Variants in QTRT1 observed in about 807,000 individuals in gnomAD.
QTRT1 encodes the protein queuine tRNA-ribosyltransferase catalytic subunit 1.
A neutral mutation model predicts 44.0 loss-of-function variants in QTRT1; 41 were observed. The ratio of observed to expected loss-of-function variants is 0.93; its 90% CI spans 0.73 to 1.21. QTRT1 has a LOEUF of 1.21. QTRT1 is among the 50% of genes most tolerant of loss of function. The probability of loss-of-function intolerance (pLI) is 0.00; values close to 1 mark genes in which losing one functional copy is unlikely to be tolerated. For missense variants in QTRT1, 542 were observed against 575.8 expected, an observed-to-expected ratio of 0.94 and a Z score of 0.60; for synonymous variants, 226 against 237.1, an observed-to-expected ratio of 0.95 and a Z score of 0.43.
rs2068741022 is a variant in QTRT1, at chr19:10,712,085, G to A, written c.647-76G>A. On this transcript the variant is annotated intron_variant, in intron 5 of 9. Transcript: ENST00000250237. This position sits in a 1 kb window ranked among gnomAD's most constrained non-coding sequence, Gnocchi z 5.6. ...TCTCCCTGAGCGACTCTGGAAGTCT[G>A]GGCAGGGTGTGTTCTGGGATTGAAG... 6.3e-7 allele frequency: 1 copy of A among 1,583,684 alleles called. No individual in the cohort carries two copies. Among genetic ancestry groups the A allele is most frequent in the African/African-American group, 1.3e-5 (1 of 74,552 alleles).
chr19:10,701,636 C>T lies in QTRT1; in HGVS notation c.176C>T (p.Thr59Ile). 4 of 1,602,206 alleles carry T rather than the reference C, an allele frequency of 2.5e-6. No individual in the cohort carries two copies. Among genetic ancestry groups the T allele is most frequent in the East Asian group, 2.3e-5 (1 of 44,308 alleles). The change falls in exon 1 of 10, where the codon ACC (threonine) becomes ATC (isoleucine). Residue 59 changes from threonine to isoleucine, a missense_variant. By Grantham distance (89) the Thr-to-Ile change is moderately conservative (BLOSUM62 -1). Coordinates refer to ENST00000250237, the MANE Select transcript of QTRT1 (RefSeq NM_031209.3). ...CAGGCCACCATGAAGGGCATCACGA[C>T]CGAACAGCTGGACGCTCTGGGTTGC... ...GTQATMKGIT[T>I]EQLDALGCRI...
In QTRT1 at chr19:10,707,508, G is replaced by T. The variant is rs767335139; in HGVS notation, c.539G>T (p.Arg180Leu). The change falls in exon 5 of 10, where the codon CGC (arginine) becomes CTC (leucine). Residue 180 changes from arginine (R) to leucine (L), a missense_variant. Physicochemically the swap from Arg to Leu is moderately radical, Grantham distance 102 (BLOSUM62 -2). Coordinates refer to ENST00000250237, the MANE Select transcript of QTRT1 (RefSeq NM_031209.3). ...RVEEAMYRSIRWLDRCIAAHQ... is the reference protein window; with the variant it reads ...RVEEAMYRSILWLDRCIAAHQ... ...CTGGGGCCCTGTTGCAGGTCAATCCGCTGGCTGGACCGGTGCATTGCAGCC... is the reference window on the plus strand; with the variant it reads ...CTGGGGCCCTGTTGCAGGTCAATCCTCTGGCTGGACCGGTGCATTGCAGCC... 2.5e-6 allele frequency: 4 copies of T among 1,611,322 alleles called. No homozygotes were observed. Among genetic ancestry groups the T allele is most frequent in the African/African-American group, 2.7e-5 (2 of 74,986 alleles).
intron 5 of QTRT1, among the ~76,000 whole-genome samples, chr19:10,710,022 A>G (rs2068731464): frequency 6.6e-6 from 1 of 151,982 alleles, no homozygotes; most frequent in Admixed American, 6.6e-5. Flanking sequence ...AAAAAAAAGA[A>G]AAAAAGAAAA....
At chr19:10,704,546 G>A (rs539950581) in intron 3 of QTRT1, among the ~76,000 whole-genome samples, 33 of 151,638 alleles carry the variant, frequency 2.2e-4, no homozygotes, top group South Asian at 6.2e-4. Flanking sequence ...CGCCCATCTC[G>A]GCCTTCCAAA....
chr19:10,709,529 T>G (rs762482619), intron 5 of QTRT1, among the ~76,000 whole-genome samples: 3 of 152,034 alleles, frequency 2.0e-5, no homozygotes, highest in Non-Finnish European at 4.4e-5. Flanking sequence ...CTGGCCAACA[T>G]GGTAAAACCC....
At position 10,713,353 on chromosome 19, in the gene QTRT1, T is replaced by A. The variant is rs2068749020; in HGVS notation, c.*83T>A. On this transcript the variant is annotated 3_prime_UTR_variant, in exon 10 of 10. Coordinates refer to ENST00000250237, the MANE Select transcript of QTRT1 (RefSeq NM_031209.3). This position sits in a 1 kb window ranked among gnomAD's most constrained non-coding sequence, Gnocchi z 4.3. The stretch of plus-strand genomic sequence containing the variant: ...AGGATTCCTTTTTGAAAGGTTTTTT[T>A]TATTGTAACTTACAGAGTGTGTCTG... 1 of 1,486,272 alleles carries A rather than the reference T, an allele frequency of 6.7e-7. No homozygotes were observed. The highest frequency in any genetic ancestry group is 9.2e-7 in the Non-Finnish European group (1 of 1,088,614). 92.1% of individuals were successfully genotyped at this position (1,486,272 alleles called of 1,614,324 possible).
rs907803900 is a variant in QTRT1 at position 10,711,968 on chromosome 19, G to A, written c.647-193G>A. The A allele has an allele frequency of 1.2e-5, 8 of 673,944 alleles. No homozygotes were observed. In the South Asian group the frequency reaches 1.3e-4, roughly 11 times the overall value. The allele number at this position is 673,944 out of a possible 1,614,324, so 41.7% of individuals were successfully genotyped here. ...AGTAGTCCCAGCCCCTAGACAGACA[G>A]ACAAACTGATGGACCCTCTCCTCTG... On this transcript the variant is annotated intron_variant, in intron 5 of 9. Coordinates refer to ENST00000250237, the MANE Select transcript of QTRT1 (RefSeq NM_031209.3).
intron 1 of QTRT1, 102 bp downstream of exon 1, chr19:10,701,805 C>T (rs1044601856): frequency 3.2e-6 from 5 of 1,571,430 alleles, no homozygotes; most frequent in Non-Finnish European, 4.3e-6. Context: ...GTCAATCGAC[C>T]AGCTGTATTG....
chr19:10,712,258 T>C lies in QTRT1; in HGVS notation c.744T>C (p.Ser248=), dbSNP rs1399582590. Residue 248 remains serine, a synonymous_variant, in exon 6 of 10, where the codon TCT becomes TCC. Transcript: ENST00000250237. This position sits in a 1 kb window ranked among gnomAD's most constrained non-coding sequence, Gnocchi z 5.6. ...QFWRMVALST[S]RLPKDKPRYL... ...GGCGGATGGTGGCGCTGAGCACCTC[T>C]CGGCTGCCGAAGGACAAGCCCCGAT... 2.5e-6 allele frequency: 4 copies of C among 1,613,984 alleles called. No individual in the cohort carries two copies. The highest frequency in any genetic ancestry group is 4.5e-5 in the East Asian group (2 of 44,888).
chr19:10,708,472 A>T (rs930940488), intron 5 of QTRT1, among the ~76,000 whole-genome samples: 1 of 152,034 alleles, frequency 6.6e-6, no homozygotes. Context: ...TTTCTCTTTC[A>T]TTTAAAAACA....
At position 10,702,150 on chromosome 19, in the gene QTRT1, C is replaced by T; in HGVS notation, c.347C>T (p.Ser116Phe). ...GGTTTCCAGATGGTGTCGCTGGTGT[C>T]TCTGTCCGAGGTGACGGAGGAGGGC... is the stretch of plus-strand genomic sequence containing the variant. ...SGGFQMVSLVSLSEVTEEGVR... is the reference protein window; with the variant it reads ...SGGFQMVSLVFLSEVTEEGVR... Residue 116 changes from serine (S) to phenylalanine (F), a missense_variant, in exon 3 of 10, where the codon TCT becomes TTT. Ser to Phe is a radical substitution (Grantham distance 155). Transcript: ENST00000250237. 6.2e-7 allele frequency: 1 copy of T among 1,614,134 alleles called. No homozygotes were observed. Among genetic ancestry groups the T allele is most frequent in the South Asian group, 1.1e-5 (1 of 91,080 alleles).
Position 10,712,617 on chromosome 19 carries a change from A to C in QTRT1, c.850A>C (p.Thr284Pro). The change falls in exon 7 of 10, where the codon ACA becomes CCA. Residue 284 changes from threonine (T) to proline (P), a missense_variant. By Grantham distance (38) the Thr-to-Pro change is conservative. Coordinates refer to ENST00000250237, the MANE Select transcript of QTRT1 (RefSeq NM_031209.3). This position sits in a 1 kb window ranked among gnomAD's most constrained non-coding sequence, Gnocchi z 5.6. ...TGACATGTTCGACTGCGTCTTCCCC[A>C]CACGGACAGCGGTGAGGCTCTGGCA... ...GCDMFDCVFP[T>P]RTARFGSALV... 2.5e-6 allele frequency: 4 copies of C among 1,607,222 alleles called. No individual in the cohort carries two copies. The highest frequency in any genetic ancestry group is 3.4e-6 in the Non-Finnish European group (4 of 1,177,696).
rs1412474265 is a variant in QTRT1, at chr19:10,712,051, C to T, written c.647-110C>T. On this transcript the variant is annotated intron_variant, in intron 5 of 9. Coordinates refer to ENST00000250237, the MANE Select transcript of QTRT1 (RefSeq NM_031209.3). This position sits in a 1 kb window ranked among gnomAD's most constrained non-coding sequence, Gnocchi z 5.6. ...TCTGTCTGTCTGTCTCTGTCTGTTT[C>T]TCTGACTCTCTCCCTGAGCGACTCT... 9 of 1,377,244 alleles carry T rather than the reference C, an allele frequency of 6.5e-6. No individual in the cohort carries two copies. The Middle Eastern group carries it at 2.0e-3, about 303-fold the overall frequency. The allele number at this position is 1,377,244 out of a possible 1,614,324, so 85.3% of individuals were successfully genotyped here. A position where few individuals can be genotyped will look rare whatever the true frequency, so the allele number is the denominator to read the frequency against.
In QTRT1 at chr19:10,713,324, C is replaced by G. The variant is rs2145626816; in HGVS notation, c.*54C>G. ...GAAGGGAGGGAGGGGCTGGAAGATACTGAAGGATTCCTTTTTGAAAGGTTT... is the reference window on the plus strand; with the variant it reads ...GAAGGGAGGGAGGGGCTGGAAGATAGTGAAGGATTCCTTTTTGAAAGGTTT... On this transcript the variant is annotated 3_prime_UTR_variant, in exon 10 of 10. Transcript: ENST00000250237. This position sits in a 1 kb window ranked among gnomAD's most constrained non-coding sequence, Gnocchi z 4.3. The G allele has an allele frequency of 6.4e-7, 1 of 1,569,478 alleles. No individual in the cohort carries two copies. The highest frequency in any genetic ancestry group is 2.2e-5 in the East Asian group (1 of 44,712).
intron 3 of QTRT1, among the ~76,000 whole-genome samples, chr19:10,704,661 C>G (rs2068704771): frequency 6.6e-6 from 1 of 151,942 alleles, no homozygotes; most frequent in South Asian, 2.1e-4. Context: ...AATCTCGGCT[C>G]ACAGCAACCT....
In QTRT1 at chr19:10,712,546, A is replaced by T; in HGVS notation, c.786-7A>T. On this transcript the variant is annotated splice_region_variant and splice_polypyrimidine_tract_variant and intron_variant, in intron 6 of 9. Transcript: ENST00000250237. The surrounding 1 kb of genome is among the most constrained non-coding windows in gnomAD (Gnocchi z 5.6). Reference sequence around the variant, plus strand: ...TCTGCCCCCTCCCGTCATGGCTGCAACCCCAGCTATGCCACTGATCTGGTA... The same window carrying T: ...TCTGCCCCCTCCCGTCATGGCTGCATCCCCAGCTATGCCACTGATCTGGTA... 2 of 1,612,340 alleles carry T rather than the reference A, an allele frequency of 1.2e-6. No individual in the cohort carries two copies. The highest frequency in any genetic ancestry group is 1.1e-5 in the South Asian group (1 of 91,048).
chr19:10,712,208 G>T lies in QTRT1; in HGVS notation c.694G>T (p.Gly232Trp). ...TGGCTTCGCCATCGGGGGCCTGAGCGGGGGTGAGAGCAAGTCGCAGTTCTG... is the reference window on the plus strand; with the variant it reads ...TGGCTTCGCCATCGGGGGCCTGAGCTGGGGTGAGAGCAAGTCGCAGTTCTG... ...VPGFAIGGLS[G>W]GESKSQFWRM... The change falls in exon 6 of 10, where the codon GGG (glycine) becomes TGG (tryptophan). Residue 232 changes from glycine to tryptophan, a missense_variant. Gly to Trp is a radical substitution (Grantham distance 184). Transcript: ENST00000250237. The surrounding 1 kb of genome is among the most constrained non-coding windows in gnomAD (Gnocchi z 5.6). 1 of 1,613,898 alleles carries T rather than the reference G, an allele frequency of 6.2e-7. No individual in the cohort carries two copies. The highest frequency in any genetic ancestry group is 8.5e-7 in the Non-Finnish European group (1 of 1,180,040).
At position 10,707,399 on chromosome 19, in the gene QTRT1, C is replaced by T. The variant is rs1206220205; in HGVS notation, c.530+19C>T. 3.1e-6 allele frequency: 5 copies of T among 1,612,634 alleles called. No individual in the cohort carries two copies. In the South Asian group the frequency reaches 3.3e-5, roughly 11 times the overall value. On this transcript the variant is annotated intron_variant, in intron 4 of 9. Transcript: ENST00000250237. ...TGTACAGGTGTGTATATGCTGTGTGCATGTGTGGGATATGTGGTGGGAGGG... is the reference window on the plus strand; with the variant it reads ...TGTACAGGTGTGTATATGCTGTGTGTATGTGTGGGATATGTGGTGGGAGGG...
At chr19:10,707,429 C>T (rs1411831217) in intron 4 of QTRT1, 49 bp downstream of exon 4, 5 of 1,610,446 alleles carry the variant, frequency 3.1e-6, no homozygotes, top group Admixed American at 1.7e-5. Flanking sequence ...GGAGGGGATC[C>T]TGGTCCCTGT....
Sources: allele counts gnomAD v4.1 joint callset (sites outside exome capture counted in the v4.1 genomes callset), GRCh38; gene constraint gnomAD v4.1.1; non-coding constraint Gnocchi (gnomAD v3.1); transcripts MANE v1.5; gene names NCBI Gene and HGNC (gene_info 2026-07-23, HGNC 2026-07-21).